Variants in PRKCB observed in about 807,000 individuals in gnomAD.
PRKCB encodes protein kinase C beta.
PRKCB carries 13 observed loss-of-function variants against 81.5 expected under a neutral mutation model. The observed-to-expected ratio is 0.16, with a 90% CI of 0.10 to 0.25. PRKCB has a LOEUF of 0.25. PRKCB is among the 10% of genes least tolerant of loss of function. The probability of loss-of-function intolerance (pLI) is 1.00; values close to 1 mark genes in which losing one functional copy is unlikely to be tolerated. For missense variants in PRKCB, 509 were observed against 875.7 expected (o/e 0.58, Z 5.29); for synonymous variants, 335 against 321.4 (o/e 1.04, Z -0.45).
intron 16 of PRKCB, among the ~76,000 whole-genome samples, chr16:24,201,196 T>C (rs1426080289): frequency 6.6e-6 from 1 of 152,208 alleles, no homozygotes; most frequent in Non-Finnish European, 1.5e-5. Flanking sequence ...ATCTCCCCTG[T>C]TTAGTCTGTC....
intron 7 of PRKCB, among the ~76,000 whole-genome samples, chr16:24,110,061 G>T (rs1025634761): frequency 1.4e-4 from 20 of 140,712 alleles, no homozygotes; most frequent in African/African-American, 5.6e-4. Context: ...GTCCAGCTTC[G>T]GCTCAGCATG....
rs1597209375 is a variant in PRKCB, at chr16:23,851,817, A to C, written c.205+14411A>C. ...AGTTTGCTTCCTTGGATACATTTAC[A>C]CCTAAGTAATTTTTTTTTTGCTGCT... On this transcript the variant is annotated intron_variant, in intron 2 of 16. Coordinates refer to ENST00000643927, the MANE Select transcript of PRKCB (RefSeq NM_002738.7). Among the ~76,000 whole-genome samples, 2 of 150,488 alleles carry C rather than the reference A, an allele frequency of 1.3e-5. 1 individual carries two copies. Among genetic ancestry groups the C allele is most frequent in the Admixed American group, 1.3e-4 (2 of 15,138 alleles).
rs1367855504 is a variant in PRKCB at position 23,887,844 on chromosome 16, A to G, written c.205+50438A>G. Among the ~76,000 whole-genome samples the G allele has an allele frequency of 4.0e-5, 6 of 151,756 alleles. No individual in the cohort carries two copies. The East Asian group carries it at 1.2e-3, about 29-fold the overall frequency. ...GTAAGAGCGTCCTTTTTTCTCCGTA[A>G]TCTCACCAAGGCACTGCATAAGCTA... On this transcript the variant is annotated intron_variant, in intron 2 of 16. Coordinates refer to ENST00000643927, the MANE Select transcript of PRKCB (RefSeq NM_002738.7).
rs966146431 is a variant in PRKCB at position 24,045,981 on chromosome 16, C to T, written c.529+10434C>T. ...AGTCATGAAGCTCGGGTGTCAGTCCCGCCAGGGCTGGAATCCTCTTTCATT... is the reference window on the plus strand; with the variant it reads ...AGTCATGAAGCTCGGGTGTCAGTCCTGCCAGGGCTGGAATCCTCTTTCATT... On this transcript the variant is annotated intron_variant, in intron 5 of 16. Coordinates refer to ENST00000643927, the MANE Select transcript of PRKCB (RefSeq NM_002738.7). Among the ~76,000 whole-genome samples, 60 of 152,346 alleles carry T rather than the reference C, an allele frequency of 3.9e-4. 1 individual carries two copies. Among genetic ancestry groups the T allele is most frequent in the Non-Finnish European group, 3.2e-4 (22 of 68,034 alleles).
intron 3 of PRKCB, among the ~76,000 whole-genome samples, chr16:24,015,370 G>A (rs1255906236): frequency 8.5e-5 from 13 of 152,346 alleles, no homozygotes; most frequent in Non-Finnish European, 1.2e-4. Context: ...GCACATTCCA[G>A]CTATAGAATC....
intron 2 of PRKCB, among the ~76,000 whole-genome samples, chr16:23,957,179 T>C (rs1964360887): frequency 6.6e-6 from 1 of 152,062 alleles, no homozygotes. Context: ...TAAAAATAGG[T>C]CCAGTAGATA....
intron 7 of PRKCB, among the ~76,000 whole-genome samples, chr16:24,110,314 C>A (rs1263503397): frequency 6.6e-6 from 1 of 151,230 alleles, no homozygotes; most frequent in South Asian, 2.1e-4. Flanking sequence ...CGGGTTCAAG[C>A]GATTCTCCTG....
At chr16:23,960,262 C>A (rs1032547823) in intron 2 of PRKCB, among the ~76,000 whole-genome samples, 1 of 152,122 alleles carries the variant, frequency 6.6e-6, no homozygotes, top group African/African-American at 2.4e-5. Flanking sequence ...TATACCCATA[C>A]CTCCTTGTTT....
intron 2 of PRKCB, among the ~76,000 whole-genome samples, chr16:23,872,745 C>A (rs1218171584): frequency 6.6e-6 from 1 of 152,058 alleles, no homozygotes; most frequent in East Asian, 1.9e-4. Flanking sequence ...GTATGGAAAG[C>A]ACTGATTGCT....
At chr16:23,931,848 TC>T (rs1254038980) in intron 2 of PRKCB, among the ~76,000 whole-genome samples, 2 of 152,204 alleles carry the variant, frequency 1.3e-5, no homozygotes, top group African/African-American at 4.8e-5. Context: ...TCTTGGCTAA[TC>T]CTCTTTCATC....
chr16:23,844,355 A>C (rs904055657), intron 2 of PRKCB, among the ~76,000 whole-genome samples: 6 of 152,178 alleles, frequency 3.9e-5, no homozygotes, highest in African/African-American at 1.4e-4. Flanking sequence ...GGCTGCTTGA[A>C]AATCCAGTAG....
At chr16:23,907,061 GCATTATTGA>G (rs1963570913) in intron 2 of PRKCB, among the ~76,000 whole-genome samples, 1 of 152,080 alleles carries the variant, frequency 6.6e-6, no homozygotes, top group East Asian at 1.9e-4. Context: ...CTCAACCTTG[GCATTATTGA>G]CATTGGGGGG....
chr16:23,900,732 T>G (rs1266211539), intron 2 of PRKCB, among the ~76,000 whole-genome samples: 20 of 137,230 alleles, frequency 1.5e-4, no homozygotes, highest in Non-Finnish European at 2.8e-4. Flanking sequence ...TTTTTTTTTT[T>G]TTTTTTTTTT....
intron 2 of PRKCB, among the ~76,000 whole-genome samples, chr16:23,985,244 C>T (rs2141819449): frequency 6.6e-6 from 1 of 152,226 alleles, no homozygotes; most frequent in Admixed American, 6.5e-5. Flanking sequence ...CAGGCACCTA[C>T]CACCACGCCC....
intron 12 of PRKCB, among the ~76,000 whole-genome samples, chr16:24,176,112 G>A (rs1364811181): frequency 6.6e-6 from 1 of 152,112 alleles, no homozygotes; most frequent in Non-Finnish European, 1.5e-5. Flanking sequence ...AGAGTCCTGG[G>A]GCTTTTAGTC....
At chr16:24,026,087 A>G (rs1242046270) in intron 3 of PRKCB, among the ~76,000 whole-genome samples, 2 of 152,220 alleles carry the variant, frequency 1.3e-5, no homozygotes, top group Admixed American at 6.5e-5. Context: ...ACTTGAGCCC[A>G]GGAGTTTGAG....
At chr16:23,919,536 G>A (rs894171250) in intron 2 of PRKCB, among the ~76,000 whole-genome samples, 1 of 152,082 alleles carries the variant, frequency 6.6e-6, no homozygotes, top group Non-Finnish European at 1.5e-5. Flanking sequence ...TAGTACACAA[G>A]CAACATGCTA....
At chr16:24,174,789 A>G (rs998133053) in intron 12 of PRKCB, 36 of 491,366 alleles carry the variant, frequency 7.3e-5, no homozygotes, top group African/African-American at 6.8e-4. Context: ...ATCTCGGTGG[A>G]CTGTGTCACC....
At chr16:23,987,610 T>C (rs1964818816) in intron 2 of PRKCB, among the ~76,000 whole-genome samples, 1 of 152,168 alleles carries the variant, frequency 6.6e-6, no homozygotes, top group Non-Finnish European at 1.5e-5. Context: ...CATAGATGAA[T>C]GTCACCTAGA....
Sources: gnomAD v4.1 joint callset for allele counts (sites outside exome capture counted in the v4.1 genomes callset) on GRCh38, gnomAD v4.1.1 for gene constraint, MANE v1.5 for transcripts, NCBI Gene and HGNC (gene_info 2026-07-23, HGNC 2026-07-21) for gene names.